TTC28: variants seen among roughly 807,000 people sequenced by gnomAD.
The protein encoded by TTC28 is tetratricopeptide repeat domain 28, also known as tetratricopeptide repeat protein 28.
In TTC28, 61 loss-of-function variants were observed where a neutral mutation model predicts 198.0. That is an observed-to-expected ratio of 0.31 (90% CI 0.25 to 0.38). TTC28 has a LOEUF of 0.38. Ranked by LOEUF, TTC28 falls within the 10% of genes least tolerant of loss-of-function variation. The probability of loss-of-function intolerance (pLI) is 1.00; values close to 1 mark genes in which losing one functional copy is unlikely to be tolerated. For synonymous variants in TTC28, 1,171 were observed against 1,297.8 expected, an observed-to-expected ratio of 0.90 and a Z score of 2.10; for missense variants, 2,678 against 3,164.0, an observed-to-expected ratio of 0.85 and a Z score of 3.69.
intron 5 of TTC28, among the ~76,000 whole-genome samples, chr22:28,229,870 A>G (rs976922527): frequency 2.0e-5 from 3 of 152,234 alleles, no homozygotes; most frequent in African/African-American, 7.2e-5. Flanking sequence ...TTTGAGAATT[A>G]CAGTTCTTTA....
At chr22:28,568,616 G>A (rs961296624) in intron 2 of TTC28, among the ~76,000 whole-genome samples, 2 of 151,962 alleles carry the variant, frequency 1.3e-5, no homozygotes, top group African/African-American at 4.8e-5. Flanking sequence ...TCACAAAATG[G>A]GATAAAATAC....
At chr22:28,428,232 C>T (rs995994683) in intron 2 of TTC28, among the ~76,000 whole-genome samples, 5 of 151,664 alleles carry the variant, frequency 3.3e-5, no homozygotes, top group African/African-American at 1.2e-4. Context: ...AGAAGTATTT[C>T]AGAGAAAATC....
At chr22:28,615,744 A>G (rs1476463981) in intron 2 of TTC28, among the ~76,000 whole-genome samples, 1 of 139,806 alleles carries the variant, frequency 7.2e-6, no homozygotes, top group East Asian at 2.5e-4. Context: ...GTGTTCAACA[A>G]TGGAACACAT....
intron 13 of TTC28, among the ~76,000 whole-genome samples, chr22:28,020,588 G>T (rs373649630): frequency 3.0e-4 from 45 of 152,196 alleles, no homozygotes; most frequent in Non-Finnish European, 5.9e-4. Flanking sequence ...GAGGATGAAG[G>T]GCTCTATTCC....
intron 12 of TTC28, among the ~76,000 whole-genome samples, chr22:28,067,036 C>A (rs891150579): frequency 6.6e-6 from 1 of 152,198 alleles, no homozygotes; most frequent in Non-Finnish European, 1.5e-5. Flanking sequence ...CCTTCCACCT[C>A]TGTGTGCCTG....
chr22:28,318,591 G>C (rs1429910853), intron 2 of TTC28, among the ~76,000 whole-genome samples: 2 of 152,144 alleles, frequency 1.3e-5, no homozygotes, highest in African/African-American at 4.8e-5. Flanking sequence ...GTGTTCAATG[G>C]AAAAGATTAA....
At position 28,646,656 on chromosome 22, in the gene TTC28, G is replaced by T. The variant is rs558649628; in HGVS notation, c.103-16826C>A. On this transcript the variant is annotated intron_variant, in intron 1 of 22. Transcript: ENST00000397906. ...GAGATGGGGGGATCACTTCAGGCCA[G>T]GAGTTCAAGATCAGCCTGGCCAGCA... Among the ~76,000 whole-genome samples, 7 of 152,302 alleles carry T rather than the reference G, an allele frequency of 4.6e-5. No homozygotes were observed. In the East Asian group the frequency reaches 1.3e-3, roughly 29 times the overall value.
intron 2 of TTC28, among the ~76,000 whole-genome samples, chr22:28,428,493 A>C (rs572192251): frequency 3.3e-5 from 5 of 152,080 alleles, no homozygotes; most frequent in Admixed American, 2.6e-4. Flanking sequence ...ATTGTACTGT[A>C]TTGCAATAAT....
intron 2 of TTC28, among the ~76,000 whole-genome samples, chr22:28,503,618 C>T (rs1482027643): frequency 6.6e-6 from 1 of 152,158 alleles, no homozygotes; most frequent in East Asian, 1.9e-4. Flanking sequence ...CAAAATGTTA[C>T]ATAAAAATAT....
At chr22:28,524,459 CAAAAAAAAA>C (rs34261097) in intron 2 of TTC28, among the ~76,000 whole-genome samples, 2 of 59,250 alleles carry the variant, frequency 3.4e-5, no homozygotes, top group Non-Finnish European at 6.7e-5. Context: ...GAAGCCAGCT[CAAAAAAAAA>C]AAAAAAAAAA....
chr22:28,538,550 CTTTCTCTTTTTTTTTT>C (rs1357747239), intron 2 of TTC28, among the ~76,000 whole-genome samples: 11 of 145,320 alleles, frequency 7.6e-5, no homozygotes, highest in African/African-American at 2.8e-4. Context: ...CCTTTAGCAC[CTTTCTCTTTTTTTTTT>C]TTTTTTTTTT....
intron 5 of TTC28, among the ~76,000 whole-genome samples, chr22:28,270,351 G>C (rs1931979997): frequency 6.6e-6 from 1 of 152,110 alleles, no homozygotes; most frequent in South Asian, 2.1e-4. Flanking sequence ...ACAAAATAAA[G>C]AGAGATAGGA....
intron 2 of TTC28, among the ~76,000 whole-genome samples, chr22:28,584,367 ACAGGAT>A (rs759736925): frequency 1.3e-5 from 2 of 152,194 alleles, no homozygotes; most frequent in African/African-American, 2.4e-5. Context: ...CAGGTTAATA[ACAGGAT>A]CTCTGTAGCA....
In TTC28 at chr22:28,247,504, C is replaced by T. The variant is rs1930193405; in HGVS notation, c.933+48694G>A. 2.0e-5 allele frequency among the ~76,000 whole-genome samples: 3 copies of T among 152,200 alleles called. No individual in the cohort carries two copies. In the South Asian group the frequency reaches 6.2e-4, roughly 31 times the overall value. The stretch of plus-strand genomic sequence containing the variant: ...AAAGAGATGTAGTCGAGCCTTTAGG[C>T]TGCTATACCGTGAGACAGAGATGGA... On this transcript the variant is annotated intron_variant, in intron 5 of 22. Coordinates refer to ENST00000397906, the MANE Select transcript of TTC28 (RefSeq NM_001145418.2).
At chr22:28,581,905 CTTAAAG>C (rs1287543601) in intron 2 of TTC28, among the ~76,000 whole-genome samples, 1 of 151,956 alleles carries the variant, frequency 6.6e-6, no homozygotes, top group Admixed American at 6.6e-5. Context: ...AATACAAGGC[CTTAAAG>C]TTAAGGACTT....
intron 2 of TTC28, among the ~76,000 whole-genome samples, chr22:28,482,373 T>C (rs1366546657): frequency 6.6e-6 from 1 of 151,628 alleles, no homozygotes; most frequent in Admixed American, 6.6e-5. Flanking sequence ...CACGCCCAGG[T>C]AATTTTTTGT....
In TTC28 at chr22:28,249,299, A is replaced by T. The variant is rs144432276; in HGVS notation, c.933+46899T>A. ...GAGGATTAAATAAGTGAATGCACAGAAAGTCTTTATTTCAGTATCTGGCAC... is the reference window on the plus strand; with the variant it reads ...GAGGATTAAATAAGTGAATGCACAGTAAGTCTTTATTTCAGTATCTGGCAC... On this transcript the variant is annotated intron_variant, in intron 5 of 22. Coordinates refer to ENST00000397906, the MANE Select transcript of TTC28 (RefSeq NM_001145418.2). Among the ~76,000 whole-genome samples the T allele has an allele frequency of 1.8e-3, 279 of 152,284 alleles. 2 individuals carry two copies. The highest frequency in any genetic ancestry group is 0.014 in the Middle Eastern group (4 of 294).
At chr22:28,029,235 C>G in intron 13 of TTC28, 1 of 403,566 alleles carries the variant, frequency 2.5e-6, no homozygotes, top group South Asian at 1.9e-5. Context: ...TCCTACATCC[C>G]CTGCCCTTGG....
chr22:28,124,168 TTTGTTGTTGTTG>T (rs71316831), intron 6 of TTC28, among the ~76,000 whole-genome samples: 10 of 148,092 alleles, frequency 6.8e-5, no homozygotes, highest in African/African-American at 1.8e-4. Flanking sequence ...CTTATCTCTC[TTTGTTGTTGTTG>T]TTGTTGTTGT....
Sources: gnomAD v4.1 joint callset for allele counts (sites outside exome capture counted in the v4.1 genomes callset) on GRCh38, gnomAD v4.1.1 for gene constraint, MANE v1.5 for transcripts, NCBI Gene and HGNC (gene_info 2026-07-23, HGNC 2026-07-21) for gene names.